MCC: variants seen among roughly 807,000 people sequenced by gnomAD.
MCC encodes MCC regulator of Wnt signaling pathway.
Under a neutral mutation model 116.2 loss-of-function variants are expected in MCC, and 90 were observed. The observed-to-expected ratio is 0.77, with a 90% CI of 0.65 to 0.92. MCC has a LOEUF of 0.92. Among genes scored for constraint, MCC ranks in the 40% least tolerant of loss-of-function variants. The probability of loss-of-function intolerance (pLI) is 0.00; values close to 1 mark genes in which losing one functional copy is unlikely to be tolerated. For missense variants in MCC, 1,516 were observed against 1,312.2 expected (o/e 1.16, Z -2.40); for synonymous variants, 578 against 510.5 (o/e 1.13, Z -1.78).
At chr5:113,139,747 T>A (rs904407696) in intron 5 of MCC, among the ~76,000 whole-genome samples, 1 of 152,160 alleles carries the variant, frequency 6.6e-6, no homozygotes, top group African/African-American at 2.4e-5. Context: ...AGCAATCCCA[T>A]TACTGGGTAT....
intron 3 of MCC, among the ~76,000 whole-genome samples, chr5:113,175,443 TA>T (rs1316625803): frequency 6.6e-6 from 1 of 152,208 alleles, no homozygotes; most frequent in Non-Finnish European, 1.5e-5. Flanking sequence ...CATTTGGGTA[TA>T]TTCCAGGAAG....
intron 3 of MCC, among the ~76,000 whole-genome samples, chr5:113,274,174 A>C (rs771088126): frequency 6.6e-6 from 1 of 152,218 alleles, no homozygotes; most frequent in Non-Finnish European, 1.5e-5. Context: ...TGATAGCTTC[A>C]ATGCTTGTAA....
chr5:113,308,377 C>T (rs1033887963), intron 3 of MCC, among the ~76,000 whole-genome samples: 1 of 152,140 alleles, frequency 6.6e-6, no homozygotes, highest in Non-Finnish European at 1.5e-5. Context: ...GCTGGTATGA[C>T]TGTATCAGTA....
chr5:113,049,132 G>C lies in MCC; in HGVS notation c.2616C>G (p.Leu872=). 1 of 1,614,200 alleles carries C rather than the reference G, an allele frequency of 6.2e-7. No homozygotes were observed. The highest frequency in any genetic ancestry group is 1.1e-5 in the South Asian group (1 of 91,086). Residue 872 remains leucine, a synonymous_variant, in exon 16 of 19, where the codon CTC becomes CTG. Coordinates refer to ENST00000408903, the MANE Select transcript of MCC (RefSeq NM_001085377.2). ...CTTTGCTGCCGCTGCTGGTGGAGCT[G>C]AGGGATCGCATCCGCTGCTCCTTCT... ...EEQKEQRMRS[L]SSTSSGSKDK...
intron 3 of MCC, among the ~76,000 whole-genome samples, chr5:113,242,027 A>T (rs938741391): frequency 1.3e-5 from 2 of 152,202 alleles, no homozygotes; most frequent in Non-Finnish European, 2.9e-5. Flanking sequence ...TATAAAATGA[A>T]CACCCTCCTT....
intron 1 of MCC, among the ~76,000 whole-genome samples, chr5:113,400,416 C>T (rs895834073): frequency 1.4e-4 from 21 of 152,126 alleles, no homozygotes; most frequent in Non-Finnish European, 4.4e-5. Context: ...AGTCACCGCG[C>T]ATGGCCTGTT....
intron 1 of MCC, among the ~76,000 whole-genome samples, chr5:113,407,167 A>G (rs1034370667): frequency 1.3e-5 from 2 of 152,208 alleles, no homozygotes; most frequent in African/African-American, 4.8e-5. Context: ...GTGCTCAGCA[A>G]TTGACATAAT....
At chr5:113,195,595 C>A (rs1464745768) in intron 3 of MCC, among the ~76,000 whole-genome samples, 1 of 152,008 alleles carries the variant, frequency 6.6e-6, no homozygotes, top group East Asian at 1.9e-4. Flanking sequence ...CAGCCATGGG[C>A]CTGAGAAAGA....
intron 3 of MCC, among the ~76,000 whole-genome samples, chr5:113,241,387 C>T (rs1163727986): frequency 6.6e-6 from 1 of 152,184 alleles, no homozygotes; most frequent in African/African-American, 2.4e-5. Context: ...AATTTAACTT[C>T]CTCAACTCTG....
chr5:113,142,739 G>A (rs1304734837), intron 5 of MCC, among the ~76,000 whole-genome samples: 1 of 152,184 alleles, frequency 6.6e-6, no homozygotes, highest in Non-Finnish European at 1.5e-5. Flanking sequence ...AGATTATCTG[G>A]AAGCCTACAT....
chr5:113,228,680 A>T (rs1174957365), intron 3 of MCC, among the ~76,000 whole-genome samples: 4 of 152,190 alleles, frequency 2.6e-5, no homozygotes, highest in Non-Finnish European at 5.9e-5. Context: ...TGAGCAGAGG[A>T]ATAACATGAA....
chr5:113,125,113 C>A (rs1757968987), intron 5 of MCC, among the ~76,000 whole-genome samples: 2 of 152,170 alleles, frequency 1.3e-5, no homozygotes, highest in African/African-American at 4.8e-5. Context: ...GCTGGAGAGG[C>A]ACTCATACTA....
chr5:113,135,853 G>A (rs532434823), intron 5 of MCC, among the ~76,000 whole-genome samples: 1 of 152,132 alleles, frequency 6.6e-6, no homozygotes, highest in Admixed American at 6.5e-5. Flanking sequence ...AGAACATCCT[G>A]GCCAATATGG....
At chr5:113,428,594 T>A (rs1770542453) in intron 1 of MCC, 2 of 152,244 alleles carry the variant, frequency 1.3e-5, no homozygotes, top group Non-Finnish European at 2.9e-5. Context: ...CTGAGACATC[T>A]CCTGTAAGTC....
chr5:113,460,587 G>A (rs756086392), intron 1 of MCC, among the ~76,000 whole-genome samples: 5 of 152,152 alleles, frequency 3.3e-5, no homozygotes, highest in Non-Finnish European at 7.3e-5. Flanking sequence ...ATTGCTCAGG[G>A]CTCCCCTAAC....
chr5:113,193,725 AT>A (rs1762254312), intron 3 of MCC, among the ~76,000 whole-genome samples: 1 of 152,206 alleles, frequency 6.6e-6, no homozygotes, highest in African/African-American at 2.4e-5. Flanking sequence ...GGATCCACTC[AT>A]CCAGAGTTTA....
At chr5:113,162,896 A>G (rs13354564) in intron 3 of MCC, among the ~76,000 whole-genome samples, 32,731 of 152,098 alleles carry the variant, frequency 0.22, 3,646 homozygotes, top group Middle Eastern at 0.27. Flanking sequence ...GTGGTACGTT[A>G]CTATCCTATC....
chr5:113,375,452 C>T (rs1768958724), intron 2 of MCC, among the ~76,000 whole-genome samples: 1 of 152,160 alleles, frequency 6.6e-6, no homozygotes, highest in South Asian at 2.1e-4. Flanking sequence ...ACATAAAAAA[C>T]CACCACAAAA....
intron 3 of MCC, among the ~76,000 whole-genome samples, chr5:113,206,935 C>CTA (rs1762939422): frequency 6.6e-6 from 1 of 152,136 alleles, no homozygotes; most frequent in South Asian, 2.1e-4. Context: ...TATTACAGAG[C>CTA]GATGAAATGA....
Sources: gnomAD v4.1 joint callset for allele counts (sites outside exome capture counted in the v4.1 genomes callset) on GRCh38, gnomAD v4.1.1 for gene constraint, MANE v1.5 for transcripts, NCBI Gene and HGNC (gene_info 2026-07-23, HGNC 2026-07-21) for gene names.